Variants in STPG2 observed in about 807,000 individuals in gnomAD.
STPG2 encodes the protein sperm tail PG-rich repeat containing 2, also known as sperm-tail PG-rich repeat-containing protein 2.
STPG2 carries 56 observed loss-of-function variants against 54.2 expected under a neutral mutation model. That is an observed-to-expected ratio of 1.03 (90% confidence interval 0.83 to 1.29). The LOEUF is 1.29. STPG2 is among the 50% of genes most tolerant of loss of function. The pLI is 0.00. For missense variants in STPG2, 596 were observed against 544.9 expected (o/e 1.09, Z -0.93); for synonymous variants, 200 against 181.8 (o/e 1.10, Z -0.81).
chr4:97,579,130 T>C (rs1327190704), intron 10 of STPG2, among the ~76,000 whole-genome samples: 2 of 152,100 alleles, frequency 1.3e-5, no homozygotes, highest in Non-Finnish European at 2.9e-5. Flanking sequence ...TGCAAAGAAC[T>C]TGCATGAATT....
intron 5 of STPG2, among the ~76,000 whole-genome samples, chr4:98,029,504 T>G (rs1736529412): frequency 1.3e-5 from 2 of 152,344 alleles, no homozygotes; most frequent in African/African-American, 2.4e-5. Context: ...TACAGCATTT[T>G]TATTGATGCT....
chr4:97,545,793 A>G (rs1731822168), intron 4 of STPG2, among the ~76,000 whole-genome samples: 1 of 152,162 alleles, frequency 6.6e-6, no homozygotes, highest in Admixed American at 6.5e-5. Context: ...TCCATTTAAA[A>G]TATGTAAAGG....
chr4:97,994,370 T>G (rs895729082), intron 5 of STPG2, among the ~76,000 whole-genome samples: 2 of 152,174 alleles, frequency 1.3e-5, no homozygotes, highest in Non-Finnish European at 2.9e-5. Context: ...TTGTTGAGAC[T>G]TTTTTTGTGG....
chr4:97,714,118 T>C (rs1184893242), intron 9 of STPG2, among the ~76,000 whole-genome samples: 5 of 151,746 alleles, frequency 3.3e-5, no homozygotes, highest in African/African-American at 1.2e-4. Context: ...AATAGAAGAG[T>C]AGATATAATG....
At chr4:97,678,955 T>C (rs1291946825) in intron 10 of STPG2, among the ~76,000 whole-genome samples, 3 of 152,176 alleles carry the variant, frequency 2.0e-5, no homozygotes, top group African/African-American at 7.2e-5. Flanking sequence ...GGACATGAAC[T>C]CATCATTTTG....
chr4:98,022,790 T>C (rs1250620942), intron 5 of STPG2, among the ~76,000 whole-genome samples: 1 of 152,232 alleles, frequency 6.6e-6, no homozygotes, highest in African/African-American at 2.4e-5. Context: ...ACTGATACCC[T>C]TTCTTCCAGT....
At chr4:97,943,380 T>C (rs1733067592) in intron 8 of STPG2, among the ~76,000 whole-genome samples, 1 of 152,190 alleles carries the variant, frequency 6.6e-6, no homozygotes, top group Non-Finnish European at 1.5e-5. Context: ...ATTGCTCAAC[T>C]ACTAATTTTT....
In STPG2 at chr4:98,128,524, T is replaced by A; in HGVS notation, c.291A>T (p.Ser97=). 6.2e-7 allele frequency: 1 copy of A among 1,613,296 alleles called. No homozygotes were observed. Among genetic ancestry groups the A allele is most frequent in the Non-Finnish European group, 8.5e-7 (1 of 1,179,746 alleles). Residue 97 remains serine, a synonymous_variant, in exon 3 of 11, where the codon TCA becomes TCT. Transcript: ENST00000295268. The part of the protein sequence containing the change: ...DVPSIPSCGK[S]YGYHINDDGS... ...CATCATCATTAATATGATAACCATA[T>A]GACTTTCCACAAGAAGGAATTGAAG...
chr4:97,777,382 CTGATCCAAGGGGAAATTTAAGCA>C (rs1160740846), intron 9 of STPG2, among the ~76,000 whole-genome samples: 5 of 152,166 alleles, frequency 3.3e-5, no homozygotes, highest in Admixed American at 2.0e-4. Flanking sequence ...ACTTTAAAAA[CTGATCCAAGGGGAAATTTAAGCA>C]TGCCTCCCAG....
chr4:97,461,222 T>C (rs1729653117), intron 4 of STPG2, among the ~76,000 whole-genome samples: 1 of 152,174 alleles, frequency 6.6e-6, no homozygotes, highest in African/African-American at 2.4e-5. Context: ...TTTCTCCACA[T>C]CTTTTCCAAC....
intron 10 of STPG2, among the ~76,000 whole-genome samples, chr4:97,616,815 A>G (rs993902066): frequency 6.6e-6 from 1 of 152,122 alleles, no homozygotes; most frequent in African/African-American, 2.4e-5. Context: ...AATTTAACCA[A>G]TGTATGCCAA....
intron 5 of STPG2, among the ~76,000 whole-genome samples, chr4:97,987,743 T>A (rs138373026): frequency 5.9e-5 from 9 of 152,236 alleles, no homozygotes; most frequent in Non-Finnish European, 1.3e-4. Context: ...TATCATTATA[T>A]CCTGTCATTT....
chr4:97,723,553 T>G (rs752151175), intron 9 of STPG2, among the ~76,000 whole-genome samples: 18 of 152,212 alleles, frequency 1.2e-4, no homozygotes, highest in Non-Finnish European at 2.5e-4. Flanking sequence ...TTTAGGTCTT[T>G]AATCCATATA....
intron 9 of STPG2, among the ~76,000 whole-genome samples, chr4:97,764,908 G>C (rs1725993206): frequency 1.3e-5 from 2 of 152,030 alleles, no homozygotes; most frequent in South Asian, 4.1e-4. Context: ...TCCAGAAAAA[G>C]GGGTGCTAGA....
At chr4:98,048,052 C>T (rs1578811579) in intron 5 of STPG2, among the ~76,000 whole-genome samples, 1 of 152,094 alleles carries the variant, frequency 6.6e-6, no homozygotes, top group East Asian at 1.9e-4. Flanking sequence ...ATACAAGTGA[C>T]TACCAACCCT....
At chr4:97,643,858 G>T (rs1721833441) in intron 10 of STPG2, among the ~76,000 whole-genome samples, 1 of 151,708 alleles carries the variant, frequency 6.6e-6, no homozygotes, top group Non-Finnish European at 1.5e-5. Flanking sequence ...TTTGGGCATA[G>T]TTACTTTTCC....
intron 4 of STPG2, among the ~76,000 whole-genome samples, chr4:97,501,352 T>C (rs750354300): frequency 1.8e-4 from 27 of 150,914 alleles, no homozygotes; most frequent in Middle Eastern, 3.4e-3. Context: ...TGTAAACATA[T>C]CGCAATAGGA....
chr4:98,058,355 G>A lies in STPG2; in HGVS notation c.612+47598C>T, dbSNP rs181616858. 4.3e-3 allele frequency among the ~76,000 whole-genome samples: 649 copies of A among 152,270 alleles called. 3 individuals carry two copies. Among genetic ancestry groups the A allele is most frequent in the South Asian group, 0.024 (118 of 4,830 alleles). ...GACACACATAGGCTCAAAATACAAG[G>A]ATGGAGGAAAATCTACCAAACAAAT... is the stretch of plus-strand genomic sequence containing the variant. On this transcript the variant is annotated intron_variant, in intron 5 of 10. Transcript: ENST00000295268.
rs139949644 is a variant in STPG2, at chr4:97,467,782, T to A, written c.462+244917A>T. On this transcript the variant is annotated intron_variant, in intron 4 of 4. Coordinates refer to the STPG2 transcript ENST00000522676. ...GAGAGCAAGGAACACTACCAGGTAC[T>A]CTATAAGTCATCTCATAGTTTGAGT... 2.2e-4 allele frequency among the ~76,000 whole-genome samples: 34 copies of A among 151,360 alleles called. No homozygotes were observed. In the East Asian group the frequency reaches 5.0e-3, roughly 22 times the overall value.
Sources: gnomAD v4.1 joint callset for allele counts (sites outside exome capture counted in the v4.1 genomes callset) on GRCh38, gnomAD v4.1.1 for gene constraint, MANE v1.5 for transcripts, NCBI Gene and HGNC (gene_info 2026-07-23, HGNC 2026-07-21) for gene names.